Variants in KRABD1 observed in about 807,000 individuals in gnomAD.
KRABD1 encodes KRAB domain containing 1.
chr3:42,938,738 A>C, the KRABD1 span: 1 of 471,494 alleles, frequency 2.1e-6, no homozygotes, highest in East Asian at 2.9e-5. Context: ...AATAAGCAAT[A>C]ACTAATGAAC....
chr3:42,939,278 A>G, the KRABD1 span, among the ~76,000 whole-genome samples: 1 of 152,166 alleles, frequency 6.6e-6, no homozygotes, highest in African/African-American at 2.4e-5. Flanking sequence ...TACCATAGGA[A>G]AGTTTTGTTT....
At chr3:42,939,729 T>C in the KRABD1 span, among the ~76,000 whole-genome samples, 2 of 152,204 alleles carry the variant, frequency 1.3e-5, no homozygotes, top group Admixed American at 1.3e-4. Context: ...GTCACTCGTT[T>C]GCAGTATCTC....
the KRABD1 span, chr3:42,936,606 C>A: frequency 4.6e-5 from 7 of 152,344 alleles, no homozygotes; most frequent in Admixed American, 2.6e-4. Flanking sequence ...CCGCAGGCTC[C>A]CACCCCCCTC....
chr3:42,938,164 G>A, the KRABD1 span: 1 of 152,150 alleles, frequency 6.6e-6, no homozygotes, highest in Non-Finnish European at 1.5e-5. Context: ...TATAACATTT[G>A]GAACTTGAAG....
At chr3:42,941,798 T>C in the KRABD1 span, among the ~76,000 whole-genome samples, 3 of 152,116 alleles carry the variant, frequency 2.0e-5, no homozygotes, top group African/African-American at 7.2e-5. Flanking sequence ...CTGACTCTTC[T>C]TCCCAGGATC....
chr3:42,940,489 C>A, the KRABD1 span, among the ~76,000 whole-genome samples: 7 of 152,116 alleles, frequency 4.6e-5, no homozygotes, highest in Admixed American at 1.3e-4. Flanking sequence ...CTCATAGGTT[C>A]CCTTAATCTC....
chr3:42,937,397 T>C, the KRABD1 span: 1 of 152,362 alleles, frequency 6.6e-6, no homozygotes, highest in South Asian at 2.1e-4. Flanking sequence ...GATTTCCCTT[T>C]CGCAGATTGT....
At chr3:42,942,583 T>TA in the KRABD1 span, 3 of 1,442,260 alleles carry the variant, frequency 2.1e-6, no homozygotes, top group Non-Finnish European at 2.8e-6. Flanking sequence ...AAAGCAGTGT[T>TA]ACGTAGAATA....
the KRABD1 span, among the ~76,000 whole-genome samples, chr3:42,940,408 G>A: frequency 6.6e-6 from 1 of 152,164 alleles, no homozygotes; most frequent in African/African-American, 2.4e-5. Context: ...AACGTAACAT[G>A]GAGGGCTTTT....
chr3:42,941,368 T>C, the KRABD1 span: 1 of 1,564,196 alleles, frequency 6.4e-7, no homozygotes, highest in Non-Finnish European at 8.6e-7. Context: ...GCCTCTCTGC[T>C]GCTGGTTTCT....
the KRABD1 span, chr3:42,941,326 A>G: frequency 1.3e-6 from 2 of 1,599,746 alleles, no homozygotes; most frequent in South Asian, 1.1e-5. Context: ...GTGATGCTGG[A>G]GAACTATGAG....
chr3:42,940,928 G>A, the KRABD1 span, among the ~76,000 whole-genome samples: 2 of 152,184 alleles, frequency 1.3e-5, no homozygotes, highest in Non-Finnish European at 2.9e-5. Flanking sequence ...TTCTGTGATC[G>A]GGCCCAAGCC....
chr3:42,939,027 A>G, the KRABD1 span: 1 of 885,980 alleles, frequency 1.1e-6, no homozygotes, highest in Non-Finnish European at 1.7e-6. Context: ...TTACACATTT[A>G]CATATATATA....
At chr3:42,942,649 T>A in the KRABD1 span, 1 of 1,221,914 alleles carries the variant, frequency 8.2e-7, no homozygotes, top group Non-Finnish European at 1.1e-6. Context: ...AAAGCTTAAT[T>A]CTTGACATTT....
the KRABD1 span, among the ~76,000 whole-genome samples, chr3:42,940,096 C>T: frequency 6.6e-6 from 1 of 152,132 alleles, no homozygotes; most frequent in African/African-American, 2.4e-5. Context: ...GTGTTTTCTT[C>T]TAGAAGATTT....
chr3:42,940,768 C>T, the KRABD1 span, among the ~76,000 whole-genome samples: 12 of 152,024 alleles, frequency 7.9e-5, no homozygotes, highest in Non-Finnish European at 4.4e-5. Context: ...AGGAGATAGG[C>T]AAGAACGAAG....
chr3:42,942,615 C>T, the KRABD1 span: 16,532 of 1,428,058 alleles, frequency 0.012, 175 homozygotes, highest in East Asian at 0.051. Flanking sequence ...TTTTCGAAAT[C>T]GTCAATGCTG....
At chr3:42,941,973 A>G in the KRABD1 span, 2 of 1,535,688 alleles carry the variant, frequency 1.3e-6, no homozygotes, top group African/African-American at 1.4e-5. Context: ...CCCACTTCCA[A>G]ACCAGCTTTG....
the KRABD1 span, among the ~76,000 whole-genome samples, chr3:42,939,138 C>G: frequency 1.3e-5 from 2 of 152,058 alleles, no homozygotes; most frequent in Admixed American, 1.3e-4. Flanking sequence ...CTTTTTAGAA[C>G]TATGTACACT....
Sources: allele counts gnomAD v4.1 joint callset (sites outside exome capture counted in the v4.1 genomes callset), GRCh38; gene constraint gnomAD v4.1.1; transcripts MANE v1.5; gene names NCBI Gene and HGNC (gene_info 2026-07-23, HGNC 2026-07-21).